The following TUFT1 variants were observed in gnomAD, a reference collection of about 807,000 sequenced individuals.
TUFT1 encodes the protein tuftelin 1, also known as tuftelin.
In TUFT1, 43 loss-of-function variants were observed where a neutral mutation model predicts 57.8. The observed-to-expected ratio is 0.74, with a 90% CI of 0.58 to 0.96. TUFT1 has a LOEUF of 0.96. Among genes scored for constraint, TUFT1 ranks in the 40% least tolerant of loss-of-function variants. TUFT1 has a pLI of 0.00. For missense variants in TUFT1, 459 were observed against 489.0 expected (o/e 0.94, Z 0.58); for synonymous variants, 166 against 176.7 (o/e 0.94, Z 0.48).
chr1:151,546,261 AAGT>A (rs772082932), intron 1 of TUFT1, among the ~76,000 whole-genome samples: 6 of 152,108 alleles, frequency 3.9e-5, no homozygotes, highest in Non-Finnish European at 8.8e-5. Flanking sequence ...TCAGAAGCTC[AAGT>A]AGTTTAATGC....
chr1:151,561,666 A>T (rs4132646), intron 1 of TUFT1: 4 of 1,234,578 alleles, frequency 3.2e-6, no homozygotes, highest in South Asian at 1.4e-5. Flanking sequence ...TAGTTCAGGA[A>T]GAATATGCTA....
At chr1:151,560,772 T>G (rs1389503960) in intron 1 of TUFT1, among the ~76,000 whole-genome samples, 1 of 152,168 alleles carries the variant, frequency 6.6e-6, no homozygotes, top group Non-Finnish European at 1.5e-5. Flanking sequence ...ACTTCCTTAT[T>G]TTTCCAGTGG....
intron 6 of TUFT1, among the ~76,000 whole-genome samples, chr1:151,567,399 A>G (rs564678704): frequency 1.3e-5 from 2 of 151,964 alleles, no homozygotes; most frequent in African/African-American, 4.8e-5. Flanking sequence ...ACACCTGGCT[A>G]ATTTTTGTAT....
At chr1:151,572,358 G>A (rs866662539) in intron 7 of TUFT1, among the ~76,000 whole-genome samples, 1 of 152,070 alleles carries the variant, frequency 6.6e-6, no homozygotes, top group Non-Finnish European at 1.5e-5. Context: ...AATGTGGAAG[G>A]GGAGTCTATT....
intron 5 of TUFT1, 109 bp from the exon 6 acceptor site, chr1:151,566,054 T>C: frequency 5.7e-6 from 1 of 176,718 alleles, no homozygotes. Flanking sequence ...CACCTTCCTC[T>C]CCCTCTCCCT....
chr1:151,565,865 A>C, intron 5 of TUFT1: 1 of 273,820 alleles, frequency 3.7e-6, no homozygotes, highest in Non-Finnish European at 7.2e-6. Flanking sequence ...CCTCCCTACA[A>C]GACTTTCAAG....
Position 151,559,856 on chromosome 1 carries a change from C to T in TUFT1, c.61-2235C>T, listed in dbSNP as rs371636706. ...TCGTCCAGGCTGGAGTGCAGTGGCGCGATCTCAGCTCACTTTAACCTCCGC... is the reference window on the plus strand; with the variant it reads ...TCGTCCAGGCTGGAGTGCAGTGGCGTGATCTCAGCTCACTTTAACCTCCGC... On this transcript the variant is annotated intron_variant, in intron 1 of 12. Transcript: ENST00000368849. Among the ~76,000 whole-genome samples, 36 of 152,022 alleles carry T rather than the reference C, an allele frequency of 2.4e-4. 1 individual carries two copies. The South Asian group carries it at 5.6e-3, about 24-fold the overall frequency.
rs767805397 is a variant in TUFT1, at chr1:151,581,682, C to G, written c.1148C>G (p.Pro383Arg). ...ISKPPSPKPM[P>R]VIRVVET ...AAGCCGCCTAGCCCGAAGCCCATGC[C>G]TGTCATCCGAGTGGTGGAAACCTGA... The change falls in exon 13 of 13, where the codon CCT (proline) becomes CGT (arginine). Residue 383 changes from proline (P) to arginine (R), a missense_variant. Pro to Arg is a moderately radical substitution (Grantham distance 103). Coordinates refer to ENST00000368849, the MANE Select transcript of TUFT1 (RefSeq NM_020127.3). 8 of 1,614,184 alleles carry G rather than the reference C, an allele frequency of 5.0e-6. No homozygotes were observed. The highest frequency in any genetic ancestry group is 6.8e-6 in the Non-Finnish European group (8 of 1,180,028).
rs1665933941 is a variant in TUFT1, at chr1:151,562,639, G to A, written c.190G>A (p.Ala64Thr). 4.3e-6 allele frequency: 7 copies of A among 1,613,024 alleles called. No homozygotes were observed. The highest frequency in any genetic ancestry group is 8.5e-7 in the Non-Finnish European group (1 of 1,180,000). Reference sequence around the variant, plus strand: ...CAGCCACTCAGCTGGTCATTCTCTGGCTTCAGAACTGGTGGAGTCCCATGA... The same window carrying A: ...CAGCCACTCAGCTGGTCATTCTCTGACTTCAGAACTGGTGGAGTCCCATGA... Reference protein sequence around the residue: ...VSSHSAGHSLASELVESHDGH... With the variant: ...VSSHSAGHSLTSELVESHDGH... Residue 64 changes from alanine (A) to threonine (T), a missense_variant, in exon 3 of 13, where the codon GCT (alanine) becomes ACT (threonine). Ala to Thr is a moderately conservative substitution (Grantham distance 58, BLOSUM62 0). Transcript: ENST00000368849.
At chr1:151,540,520 C>T (rs1665127289) in intron 1 of TUFT1, 94 bp downstream of exon 1, 21 of 1,439,058 alleles carry the variant, frequency 1.5e-5, no homozygotes, top group Non-Finnish European at 1.8e-5. Context: ...GCTGACATCA[C>T]CTGGTGCCCG....
chr1:151,561,783 A>T, intron 1 of TUFT1: 1 of 1,373,544 alleles, frequency 7.3e-7, no homozygotes, highest in Non-Finnish European at 9.6e-7. Context: ...GAGAAAGAAG[A>T]ATGCATGCAA....
chr1:151,544,250 G>C (rs569080525), intron 1 of TUFT1, among the ~76,000 whole-genome samples: 4 of 151,860 alleles, frequency 2.6e-5, no homozygotes, highest in Non-Finnish European at 5.9e-5. Context: ...CAAAGTGCTG[G>C]GATTACAGGT....
rs933386791 is a variant in TUFT1, at chr1:151,581,506, A to T, written c.1110-138A>T. The T allele has an allele frequency of 2.1e-5, 16 of 773,402 alleles. No homozygotes were observed. In the African/African-American group the frequency reaches 2.6e-4, roughly 13 times the overall value. 47.9% of individuals were successfully genotyped at this position (773,402 alleles called of 1,614,324 possible). ...TCACTGATAATTACTGTTTTAAAGC[A>T]CTTGGAACCCAAGTGATCAGCCAGC... On this transcript the variant is annotated intron_variant, in intron 12 of 12. Coordinates refer to ENST00000368849, the MANE Select transcript of TUFT1 (RefSeq NM_020127.3).
chr1:151,574,738 G>T (rs1666396541), intron 8 of TUFT1, among the ~76,000 whole-genome samples, 173 bp from the exon 9 acceptor site: 1 of 152,216 alleles, frequency 6.6e-6, no homozygotes, highest in Admixed American at 6.5e-5. Context: ...GTGAGAGTGG[G>T]AAGGGTTCTC....
chr1:151,554,903 C>T (rs1665634445), intron 1 of TUFT1, among the ~76,000 whole-genome samples: 1 of 149,948 alleles, frequency 6.7e-6, no homozygotes, highest in Admixed American at 6.6e-5. Context: ...AGGGTTTCAG[C>T]ATGTTGGCCA....
intron 6 of TUFT1, among the ~76,000 whole-genome samples, chr1:151,568,130 G>T (rs1186297416): frequency 1.3e-5 from 2 of 151,412 alleles, no homozygotes; most frequent in African/African-American, 2.4e-5. Flanking sequence ...CGGTGTTTTT[G>T]GCCCTCAAGT....
At chr1:151,557,783 T>C (rs56096667) in intron 1 of TUFT1, 271,365 of 760,562 alleles carry the variant, frequency 0.36, 51,448 homozygotes, top group Non-Finnish European at 0.41. Flanking sequence ...GTGAGCGACC[T>C]GCAAGACTCA....
intron 1 of TUFT1, among the ~76,000 whole-genome samples, chr1:151,542,649 C>G (rs976420079): frequency 6.6e-6 from 1 of 152,156 alleles, no homozygotes; most frequent in East Asian, 1.9e-4. Flanking sequence ...TTGAAGCTAA[C>G]CAGAGACCTC....
At position 151,583,266 on chromosome 1, in the gene TUFT1, C is replaced by T. The variant is rs576997652; in HGVS notation, c.*1559C>T. 4 of 152,196 alleles carry T rather than the reference C, an allele frequency of 2.6e-5. No homozygotes were observed. Among genetic ancestry groups the T allele is most frequent in the African/African-American group, 9.6e-5 (4 of 41,524 alleles). The allele number at this position is 152,196 out of a possible 1,614,324, so 9.4% of individuals were successfully genotyped here. A position where few individuals can be genotyped will look rare whatever the true frequency, so the allele number is the denominator to read the frequency against. ...TTTTTCTTTAGGGCTCTTCCTACAA[C>T]CTTGAGAAGTAGATAGGCATCAGAG... On this transcript the variant is annotated 3_prime_UTR_variant, in exon 13 of 13. Coordinates refer to ENST00000368849, the MANE Select transcript of TUFT1 (RefSeq NM_020127.3).
Sources: gnomAD v4.1 joint callset for allele counts (sites outside exome capture counted in the v4.1 genomes callset) on GRCh38, gnomAD v4.1.1 for gene constraint, MANE v1.5 for transcripts, NCBI Gene and HGNC (gene_info 2026-07-23, HGNC 2026-07-21) for gene names.